ATP8B4: variants seen among roughly 807,000 people sequenced by gnomAD.
ATP8B4 encodes the protein ATPase phospholipid transporting 8B4 (putative), also known as probable phospholipid-transporting ATPase IM.
ATP8B4 carries 133 observed loss-of-function variants against 145.6 expected under a neutral mutation model. That is an observed-to-expected ratio of 0.91 (90% CI 0.79 to 1.05). The LOEUF is 1.05. ATP8B4 is among the 50% of genes least tolerant of loss of function. The pLI, the probability that ATP8B4 is intolerant of heterozygous loss-of-function variation, is 0.00. For missense variants in ATP8B4, 1,458 were observed against 1,425.2 expected (o/e 1.02, Z -0.37); for synonymous variants, 507 against 492.9 (o/e 1.03, Z -0.38).
chr15:49,969,347 G>T (rs2044863767), intron 13 of ATP8B4, among the ~76,000 whole-genome samples: 1 of 151,910 alleles, frequency 6.6e-6, no homozygotes, highest in South Asian at 2.1e-4. Context: ...CTGGTTTTTT[G>T]AAAAGATTAA....
At chr15:49,882,185 G>A (rs573621774) in intron 23 of ATP8B4, among the ~76,000 whole-genome samples, 3 of 152,026 alleles carry the variant, frequency 2.0e-5, no homozygotes, top group Non-Finnish European at 4.4e-5. Context: ...AGCTCAATCT[G>A]TCAGTTGCCT....
At chr15:49,867,579 A>G (rs2033011785) in intron 25 of ATP8B4, among the ~76,000 whole-genome samples, 1 of 152,072 alleles carries the variant, frequency 6.6e-6, no homozygotes, top group Non-Finnish European at 1.5e-5. Context: ...TTTACCTTCC[A>G]CCACCTGTTA....
intron 16 of ATP8B4, among the ~76,000 whole-genome samples, chr15:49,928,780 C>A (rs778087061): frequency 6.6e-6 from 1 of 151,934 alleles, no homozygotes; most frequent in African/African-American, 2.4e-5. Flanking sequence ...TATTCTGATG[C>A]CTCTGAGGAG....
intron 7 of ATP8B4, among the ~76,000 whole-genome samples, chr15:50,005,115 C>T (rs1469905274): frequency 6.6e-6 from 1 of 152,186 alleles, no homozygotes; most frequent in African/African-American, 2.4e-5. Context: ...CCCATATTTA[C>T]TTTCTTTTGT....
chr15:49,922,672 C>A (rs1254031577), intron 17 of ATP8B4, among the ~76,000 whole-genome samples: 1 of 152,086 alleles, frequency 6.6e-6, no homozygotes, highest in Non-Finnish European at 1.5e-5. Context: ...TTAAATGGAA[C>A]CATAGGCAAA....
chr15:50,160,497 T>C (rs561366339), intron 1 of ATP8B4, among the ~76,000 whole-genome samples: 1 of 152,080 alleles, frequency 6.6e-6, no homozygotes, highest in South Asian at 2.1e-4. Flanking sequence ...GTTTTTCTAC[T>C]TTTTTTAATG....
chr15:49,956,558 T>C (rs2043579052), intron 14 of ATP8B4, among the ~76,000 whole-genome samples: 1 of 152,226 alleles, frequency 6.6e-6, no homozygotes, highest in Non-Finnish European at 1.5e-5. Context: ...AACAGATTTT[T>C]CTTGAGACAG....
chr15:50,034,318 C>A (rs536124932), intron 6 of ATP8B4, among the ~76,000 whole-genome samples: 2 of 150,338 alleles, frequency 1.3e-5, no homozygotes, highest in Admixed American at 6.7e-5. Flanking sequence ...GCAACCTCCC[C>A]CTCTGGGTTC....
intron 1 of ATP8B4, among the ~76,000 whole-genome samples, chr15:50,129,270 G>C (rs1200969729): frequency 2.0e-5 from 3 of 152,078 alleles, no homozygotes; most frequent in Non-Finnish European, 4.4e-5. Flanking sequence ...AGTACCACAA[G>C]CTGGGTGGCT....
chr15:49,961,880 T>A, intron 14 of ATP8B4, 97 bp downstream of exon 14: 1 of 1,035,734 alleles, frequency 9.7e-7, no homozygotes. Flanking sequence ...TCTCATCTGG[T>A]CTTGGTGGAA....
At chr15:50,100,656 T>C (rs1270590231) in intron 2 of ATP8B4, among the ~76,000 whole-genome samples, 2 of 152,188 alleles carry the variant, frequency 1.3e-5, no homozygotes, top group African/African-American at 4.8e-5. Flanking sequence ...CTCATGATGA[T>C]ACAAATGATG....
rs186134842 is a variant in ATP8B4 at position 50,016,323 on chromosome 15, A to C, written c.363-5406T>G. 8.7e-4 allele frequency among the ~76,000 whole-genome samples: 132 copies of C among 152,336 alleles called. 1 individual carries two copies. The highest frequency in any genetic ancestry group is 1.7e-3 in the Non-Finnish European group (113 of 68,038). ...TATGAAGACACAGGAATTCAGAAGA[A>C]AATGATTTCAAAGAAAGACAATTCC... On this transcript the variant is annotated intron_variant, in intron 6 of 27. Transcript: ENST00000284509.
At chr15:49,860,784 C>T (rs562860483) in intron 27 of ATP8B4, among the ~76,000 whole-genome samples, 7 of 152,184 alleles carry the variant, frequency 4.6e-5, no homozygotes, top group African/African-American at 1.2e-4. Flanking sequence ...TAACATGCAC[C>T]GCCCAAAGTC....
intron 14 of ATP8B4, among the ~76,000 whole-genome samples, chr15:49,937,843 A>T (rs2041859491): frequency 6.6e-6 from 1 of 152,192 alleles, no homozygotes. Flanking sequence ...ATAGGCAGTG[A>T]ACATTTATTC....
chr15:49,999,569 C>T (rs538979825), intron 8 of ATP8B4, among the ~76,000 whole-genome samples: 1 of 152,040 alleles, frequency 6.6e-6, no homozygotes, highest in South Asian at 2.1e-4. Flanking sequence ...AAGTATTTTC[C>T]AGGACTCCTG....
intron 20 of ATP8B4, among the ~76,000 whole-genome samples, chr15:49,914,106 C>A (rs1163144232): frequency 2.6e-5 from 4 of 152,114 alleles, no homozygotes; most frequent in Admixed American, 6.6e-5. Context: ...ACCAAAACAG[C>A]ATGGTATTGG....
At chr15:49,955,423 C>G (rs1307506706) in intron 14 of ATP8B4, among the ~76,000 whole-genome samples, 4 of 152,286 alleles carry the variant, frequency 2.6e-5, no homozygotes, top group South Asian at 4.1e-4. Flanking sequence ...TCCTGGTGCA[C>G]TGTTCATAGA....
chr15:50,085,906 T>A (rs1479880867), intron 2 of ATP8B4, among the ~76,000 whole-genome samples: 22 of 100,738 alleles, frequency 2.2e-4, no homozygotes, highest in African/African-American at 8.9e-4. Flanking sequence ...ATATATCATA[T>A]ATATTTATAT....
At chr15:50,021,483 A>C (rs1171069660) in intron 6 of ATP8B4, among the ~76,000 whole-genome samples, 1 of 152,070 alleles carries the variant, frequency 6.6e-6, no homozygotes, top group Non-Finnish European at 1.5e-5. Flanking sequence ...TAGACATCTT[A>C]CTGTCAGGTT....
Sources: allele counts gnomAD v4.1 joint callset (sites outside exome capture counted in the v4.1 genomes callset), GRCh38; gene constraint gnomAD v4.1.1; transcripts MANE v1.5; gene names NCBI Gene and HGNC (gene_info 2026-07-23, HGNC 2026-07-21).